NLK: variants seen among roughly 807,000 people sequenced by gnomAD.
NLK encodes nemo like kinase.
In NLK, 11 loss-of-function variants were observed where a neutral mutation model predicts 59.0. That is an observed-to-expected ratio of 0.19 (90% CI 0.12 to 0.31). The LOEUF (loss-of-function observed/expected upper bound fraction) is 0.31, where lower values mean the gene tolerates loss of function less well. Ranked by LOEUF, NLK falls within the 10% of genes least tolerant of loss-of-function variation. The pLI is 1.00. For missense variants in NLK, 410 were observed against 661.1 expected (o/e 0.62, Z 4.16); for synonymous variants, 235 against 235.9 (o/e 1.00, Z 0.03).
chr17:28,086,507 C>T (rs974139249), intron 1 of NLK, among the ~76,000 whole-genome samples: 4 of 151,986 alleles, frequency 2.6e-5, no homozygotes, highest in African/African-American at 9.7e-5. Flanking sequence ...GATGTATACT[C>T]ACCAATGATG....
chr17:28,049,432 C>T (rs1412830882), intron 1 of NLK, among the ~76,000 whole-genome samples: 1 of 152,118 alleles, frequency 6.6e-6, no homozygotes, highest in African/African-American at 2.4e-5. Flanking sequence ...CGCTGTGGAC[C>T]AGCACTTTTG....
intron 1 of NLK, among the ~76,000 whole-genome samples, chr17:28,113,254 C>T (rs1471452764): frequency 6.6e-6 from 1 of 152,162 alleles, no homozygotes; most frequent in Non-Finnish European, 1.5e-5. Context: ...CAGGACATCA[C>T]CAGTACCCAG....
At chr17:28,054,465 A>G (rs1327533278) in intron 1 of NLK, among the ~76,000 whole-genome samples, 1 of 152,242 alleles carries the variant, frequency 6.6e-6, no homozygotes, top group Non-Finnish European at 1.5e-5. Context: ...CAGAAGATTT[A>G]TGAGGACAAA....
intron 7 of NLK, among the ~76,000 whole-genome samples, chr17:28,183,136 G>A (rs961933041): frequency 3.9e-5 from 6 of 152,302 alleles, no homozygotes; most frequent in African/African-American, 9.6e-5. Context: ...TGGGAGGATC[G>A]CTTGAGCCCT....
chr17:28,134,293 CAA>C (rs1422239393), intron 3 of NLK, among the ~76,000 whole-genome samples: 3 of 151,940 alleles, frequency 2.0e-5, no homozygotes, highest in Non-Finnish European at 1.5e-5. Flanking sequence ...CCCAGCCACT[CAA>C]GAGGCTGAGG....
chr17:28,092,466 C>T (rs1049718620), intron 1 of NLK, among the ~76,000 whole-genome samples: 3 of 152,132 alleles, frequency 2.0e-5, no homozygotes, highest in Admixed American at 6.5e-5. Flanking sequence ...TTATTTTTCT[C>T]TTTGGAGGAA....
chr17:28,205,592 G>C, the NLK span, among the ~76,000 whole-genome samples: 11 of 152,276 alleles, frequency 7.2e-5, no homozygotes, highest in African/African-American at 2.6e-4. Flanking sequence ...AATTATTTTA[G>C]TTGTTTCTTG....
At chr17:28,136,950 C>CAAAAAAA (rs67290939) in intron 3 of NLK, among the ~76,000 whole-genome samples, 4 of 80,652 alleles carry the variant, frequency 5.0e-5, no homozygotes, top group Non-Finnish European at 7.2e-5. Flanking sequence ...GTAGCCAAAG[C>CAAAAAAA]AAAAAAAAAA....
Position 28,111,896 on chromosome 17 carries a change from G to GGTGTGTGTGTGT in NLK, c.459-10668_459-10657dup, listed in dbSNP as rs747211468. On this transcript the variant is annotated intron_variant, in intron 1 of 10. Transcript: ENST00000407008. ...TGTGTGTGTGTGTGTGTGTGTGTGT[G>GGTGTGTGTGTGT]GTGTGTGTGTGTGTGTGTGTGTGTG... Among the ~76,000 whole-genome samples, 160 of 67,532 alleles carry GGTGTGTGTGTGT rather than the reference G, an allele frequency of 2.4e-3. 4 individuals are homozygous for GGTGTGTGTGTGT. Among genetic ancestry groups the GGTGTGTGTGTGT allele is most frequent in the Admixed American group, 2.5e-3 (13 of 5,258 alleles). The allele number at this position is 67,532 out of a possible 152,430, so 44.3% of individuals were successfully genotyped here. A position where few individuals can be genotyped will look rare whatever the true frequency, so the allele number is the denominator to read the frequency against.
intron 3 of NLK, among the ~76,000 whole-genome samples, chr17:28,135,163 C>G (rs970527806): frequency 6.6e-6 from 1 of 152,258 alleles, no homozygotes. Flanking sequence ...TTGCTGAAAC[C>G]AAACCTTAAA....
intron 1 of NLK, among the ~76,000 whole-genome samples, chr17:28,049,556 A>G (rs1472734632): frequency 6.6e-6 from 1 of 152,214 alleles, no homozygotes. Flanking sequence ...TGTTTAAGTC[A>G]CCATATTGCT....
chr17:28,203,203 T>C, the NLK span, among the ~76,000 whole-genome samples: 1 of 120,904 alleles, frequency 8.3e-6, no homozygotes, highest in Non-Finnish European at 1.7e-5. Flanking sequence ...ACACACACAG[T>C]CTCAGTCTGT....
chr17:28,156,269 A>G (rs980134156), intron 3 of NLK, among the ~76,000 whole-genome samples: 1 of 152,006 alleles, frequency 6.6e-6, no homozygotes, highest in Non-Finnish European at 1.5e-5. Flanking sequence ...TATTGAGGGG[A>G]AGGGAAAGGA....
At chr17:28,186,896 CTCTT>C (rs1192878926) in intron 8 of NLK, among the ~76,000 whole-genome samples, 1 of 152,192 alleles carries the variant, frequency 6.6e-6, no homozygotes, top group Admixed American at 6.5e-5. Flanking sequence ...CCCACAGTCT[CTCTT>C]TGTGATCAAG....
chr17:28,097,503 G>C (rs140467114), intron 1 of NLK, among the ~76,000 whole-genome samples: 150 of 152,236 alleles, frequency 9.9e-4, no homozygotes, highest in African/African-American at 3.1e-3. Flanking sequence ...CATGGTCCTT[G>C]TGAACCCAAG....
At chr17:28,043,389 A>G (rs1019367054) in intron 1 of NLK, 58 bp downstream of exon 1, 1 of 1,383,968 alleles carries the variant, frequency 7.2e-7, no homozygotes, top group Non-Finnish European at 9.8e-7. Flanking sequence ...TTGTCATTGG[A>G]TGAGTCCATC....
At chr17:28,079,281 A>T (rs1397735907) in intron 1 of NLK, among the ~76,000 whole-genome samples, 2 of 152,222 alleles carry the variant, frequency 1.3e-5, no homozygotes, top group Non-Finnish European at 2.9e-5. Flanking sequence ...TGATAGACAG[A>T]TGTTTCCATC....
chr17:28,166,010 C>T (rs1405364375), intron 5 of NLK, among the ~76,000 whole-genome samples: 7 of 152,128 alleles, frequency 4.6e-5, no homozygotes, highest in Admixed American at 1.3e-4. Context: ...AGGCCAGGAA[C>T]TTGAGACCAG....
chr17:28,080,562 T>C (rs752399026), intron 1 of NLK, among the ~76,000 whole-genome samples: 12 of 152,286 alleles, frequency 7.9e-5, no homozygotes, highest in Non-Finnish European at 1.5e-4. Flanking sequence ...GTGGTTATTA[T>C]TGGTACAGAG....
Sources: gnomAD v4.1 joint callset for allele counts (sites outside exome capture counted in the v4.1 genomes callset) on GRCh38, gnomAD v4.1.1 for gene constraint, MANE v1.5 for transcripts, NCBI Gene and HGNC (gene_info 2026-07-23, HGNC 2026-07-21) for gene names.